MGST1: variants seen among roughly 807,000 people sequenced by gnomAD.
The protein encoded by MGST1 is microsomal glutathione S-transferase 1.
A neutral mutation model predicts 8.9 loss-of-function variants in MGST1; 5 were observed. The observed-to-expected ratio is 0.56, with a 90% CI of 0.29 to 1.19. The LOEUF is 1.19. MGST1 is among the 50% of genes most tolerant of loss of function. The pLI is 0.08. For missense variants in MGST1, 182 were observed against 187.4 expected, an observed-to-expected ratio of 0.97 and a Z score of 0.17; for synonymous variants, 54 against 67.8, an observed-to-expected ratio of 0.80 and a Z score of 1.00.
intron 4 of MGST1, among the ~76,000 whole-genome samples, chr12:16,462,356 G>A (rs1941227070): frequency 1.3e-5 from 2 of 152,078 alleles, no homozygotes; most frequent in African/African-American, 4.8e-5. Flanking sequence ...GTTATAATAA[G>A]TCCATAGAGA....
chr12:16,571,783 C>A (rs1942819665), intron 4 of MGST1, among the ~76,000 whole-genome samples: 2 of 152,000 alleles, frequency 1.3e-5, no homozygotes, highest in African/African-American at 4.8e-5. Flanking sequence ...CAAAGTGTAA[C>A]TGGATCATTC....
At position 16,482,804 on chromosome 12, in the gene MGST1, C is replaced by T. The variant is rs1265316517; in HGVS notation, n.482+99200C>T. On this transcript the variant is annotated intron_variant and non_coding_transcript_variant, in intron 4 of 4. Coordinates refer to the MGST1 transcript ENST00000538857. The surrounding 1 kb of genome is among the most constrained non-coding windows in gnomAD (Gnocchi z 4.2). ...ATACACCGAAATCAGAGACCTTACC[C>T]AGTGTCAAGCTTGACTAATCATTTC... is the stretch of plus-strand genomic sequence containing the variant. Among the ~76,000 whole-genome samples the T allele has an allele frequency of 6.6e-6, 1 of 152,134 alleles. No individual in the cohort carries two copies. Among genetic ancestry groups the T allele is most frequent in the African/African-American group, 2.4e-5 (1 of 41,424 alleles).
At chr12:16,354,513 C>T (rs1480149431) in intron 2 of MGST1, 135 bp downstream of exon 2, 34 of 779,114 alleles carry the variant, frequency 4.4e-5, no homozygotes, top group Non-Finnish European at 6.5e-5. Flanking sequence ...AGTATGCCAT[C>T]GTTTGGCACA....
chr12:16,455,701 T>C (rs745759183), intron 4 of MGST1, among the ~76,000 whole-genome samples: 5 of 151,878 alleles, frequency 3.3e-5, no homozygotes, highest in Non-Finnish European at 7.4e-5. Flanking sequence ...CATCTATTGC[T>C]ATGGTTCATC....
chr12:16,409,634 C>A (rs1940727084), intron 1 of MGST1, among the ~76,000 whole-genome samples: 1 of 152,094 alleles, frequency 6.6e-6, no homozygotes, highest in Admixed American at 6.6e-5. Flanking sequence ...CAAATGGCTT[C>A]TAGGGAGACA....
At chr12:16,354,510 C>T (rs1939621980) in intron 2 of MGST1, 132 bp downstream of exon 2, 1 of 801,122 alleles carries the variant, frequency 1.2e-6, no homozygotes, top group Non-Finnish European at 1.9e-6. Flanking sequence ...TGAAGTATGC[C>T]ATCGTTTGGC....
At chr12:16,479,616 C>T (rs947494897) in intron 4 of MGST1, among the ~76,000 whole-genome samples, 4 of 148,542 alleles carry the variant, frequency 2.7e-5, no homozygotes, top group Non-Finnish European at 5.9e-5. Flanking sequence ...TCACTGCAGC[C>T]TCAACCTCCT....
chr12:16,443,867 A>C (rs563074924), intron 4 of MGST1, among the ~76,000 whole-genome samples: 1 of 152,060 alleles, frequency 6.6e-6, no homozygotes, highest in African/African-American at 2.4e-5. Context: ...AATGGTACTG[A>C]CTGAAGCTCT....
At chr12:16,441,736 C>T (rs945154393), downstream of MGST1, among the ~76,000 whole-genome samples, 8 of 151,762 alleles carry the variant, frequency 5.3e-5, no homozygotes, top group African/African-American at 1.9e-4. Flanking sequence ...TATCTGTTCA[C>T]CTACTGAAGA....
At chr12:16,483,710 A>G (rs1219341542) in intron 4 of MGST1, among the ~76,000 whole-genome samples, 2 of 152,204 alleles carry the variant, frequency 1.3e-5, no homozygotes, top group Non-Finnish European at 2.9e-5. Flanking sequence ...AAGACACACA[A>G]AGCAAAAATG....
At position 16,541,189 on chromosome 12, in the gene MGST1, CTT is replaced by C. The variant is rs1223322187; in HGVS notation, n.483-48333_483-48332del. Among the ~76,000 whole-genome samples, 18 of 152,158 alleles carry C rather than the reference CTT, an allele frequency of 1.2e-4. No homozygotes were observed. In the South Asian group the frequency reaches 2.9e-3, roughly 25 times the overall value. On this transcript the variant is annotated intron_variant and non_coding_transcript_variant, in intron 4 of 4. Transcript: ENST00000538857. ...GAAAAGTAAATATCAAATTAAATAACTTTTTTTAGTAAATACAATTGAGTAAA... is the reference window on the plus strand; with the variant it reads ...GAAAAGTAAATATCAAATTAAATAACTTTTTAGTAAATACAATTGAGTAAA...
chr12:16,529,804 A>C (rs1941711096), intron 4 of MGST1, among the ~76,000 whole-genome samples: 1 of 152,050 alleles, frequency 6.6e-6, no homozygotes, highest in Non-Finnish European at 1.5e-5. Context: ...TATAATTGTA[A>C]ATTCATGCTG....
chr12:16,565,913 A>G (rs1050921719), intron 4 of MGST1, among the ~76,000 whole-genome samples: 17 of 145,452 alleles, frequency 1.2e-4, no homozygotes, highest in African/African-American at 3.8e-4. Flanking sequence ...TTACAGCACT[A>G]TTTACAATAG....
chr12:16,500,421 GT>G lies in MGST1; in HGVS notation n.483-89104del, dbSNP rs1941498316. ...TCCATTCAGGGACACATTTCAAGCA[GT>G]TTCAACTCTTTTAATTAGAATTTAT... On this transcript the variant is annotated intron_variant and non_coding_transcript_variant, in intron 4 of 4. Transcript: ENST00000538857. The surrounding 1 kb of genome is among the most constrained non-coding windows in gnomAD (Gnocchi z 4.3). Among the ~76,000 whole-genome samples the G allele has an allele frequency of 6.6e-6, 1 of 152,158 alleles. No individual in the cohort carries two copies. The highest frequency in any genetic ancestry group is 2.1e-4 in the South Asian group (1 of 4,826).
At position 16,587,459 on chromosome 12, in the gene MGST1, AT is replaced by A. The variant is rs371441291; in HGVS notation, n.483-2060del. 1.3e-5 allele frequency among the ~76,000 whole-genome samples: 2 copies of A among 151,508 alleles called. No individual in the cohort carries two copies. The highest frequency in any genetic ancestry group is 2.9e-5 in the Non-Finnish European group (2 of 67,856). ...CTAGAGAGCAAGGAATTCAAGTTCG[AT>A]TTTTTTTTCTTTTACTTTGCCTACT... On this transcript the variant is annotated intron_variant and non_coding_transcript_variant, in intron 4 of 4. Coordinates refer to the MGST1 transcript ENST00000538857. The surrounding 1 kb of genome is among the most constrained non-coding windows in gnomAD (Gnocchi z 4.3).
At chr12:16,519,433 T>C (rs983140888) in intron 4 of MGST1, among the ~76,000 whole-genome samples, 1 of 152,174 alleles carries the variant, frequency 6.6e-6, no homozygotes, top group Non-Finnish European at 1.5e-5. Flanking sequence ...CATACCATTG[T>C]TGAGTACTGT....
downstream of MGST1, among the ~76,000 whole-genome samples, chr12:16,368,057 G>A (rs1048904219): frequency 1.3e-5 from 2 of 152,052 alleles, no homozygotes; most frequent in South Asian, 2.1e-4. Context: ...GGAGGTTAAC[G>A]ATCAAAAGGT....
At chr12:16,486,094 T>G (rs1276719664) in intron 4 of MGST1, among the ~76,000 whole-genome samples, 2 of 152,192 alleles carry the variant, frequency 1.3e-5, no homozygotes, top group Admixed American at 6.5e-5. Context: ...TATTCAGGCC[T>G]TTGCCCAAAT....
chr12:16,583,503 G>A (rs1203024404), intron 4 of MGST1, among the ~76,000 whole-genome samples: 2 of 152,242 alleles, frequency 1.3e-5, no homozygotes, highest in East Asian at 3.9e-4. Flanking sequence ...CAGAATACTG[G>A]AGGGAATGGA....
Sources: allele counts gnomAD v4.1 joint callset (sites outside exome capture counted in the v4.1 genomes callset), GRCh38; gene constraint gnomAD v4.1.1; non-coding constraint Gnocchi (gnomAD v3.1); transcripts MANE v1.5; gene names NCBI Gene and HGNC (gene_info 2026-07-23, HGNC 2026-07-21).